The following SUGCT variants were observed in gnomAD, a reference collection of about 807,000 sequenced individuals.
The protein encoded by SUGCT is succinyl-CoA:glutarate CoA-transferase.
In SUGCT, 41 loss-of-function variants were observed where a neutral mutation model predicts 55.0. That is an observed-to-expected ratio of 0.74 (90% confidence interval 0.58 to 0.97). The LOEUF is 0.97. Ranked by LOEUF, SUGCT falls within the 50% of genes least tolerant of loss-of-function variation. The pLI is 0.00. For missense variants in SUGCT, 568 were observed against 547.8 expected (o/e 1.04, Z -0.37); for synonymous variants, 187 against 200.4 (o/e 0.93, Z 0.56).
At chr7:40,951,956 A>G in the SUGCT span, among the ~76,000 whole-genome samples, 1 of 152,118 alleles carries the variant, frequency 6.6e-6, no homozygotes. Context: ...AGTTCTGTAG[A>G]TTTCTTTTAG....
At chr7:41,025,163 T>C in the SUGCT span, among the ~76,000 whole-genome samples, 1 of 152,160 alleles carries the variant, frequency 6.6e-6, no homozygotes, top group Non-Finnish European at 1.5e-5. Context: ...CCTCAAGATT[T>C]TGGTTAATTC....
At chr7:40,205,146 C>G (rs565020363) in intron 6 of SUGCT, among the ~76,000 whole-genome samples, 3 of 150,124 alleles carry the variant, frequency 2.0e-5, no homozygotes, top group Non-Finnish European at 4.4e-5. Context: ...CCTAGCTACT[C>G]GGGGAGGCTG....
At chr7:40,231,344 A>G (rs1432747800) in intron 6 of SUGCT, among the ~76,000 whole-genome samples, 1 of 152,216 alleles carries the variant, frequency 6.6e-6, no homozygotes, top group Non-Finnish European at 1.5e-5. Flanking sequence ...GATATTGCAG[A>G]GAACAGTCAC....
chr7:40,420,382 A>G (rs1787241389), intron 9 of SUGCT, among the ~76,000 whole-genome samples: 1 of 152,100 alleles, frequency 6.6e-6, no homozygotes, highest in Admixed American at 6.5e-5. Flanking sequence ...TCTGTTTCCC[A>G]GGCTAGAGCA....
At chr7:40,557,476 A>T (rs559115390) in intron 12 of SUGCT, among the ~76,000 whole-genome samples, 62 of 152,342 alleles carry the variant, frequency 4.1e-4, no homozygotes, top group African/African-American at 1.4e-3. Context: ...TTTGTACATC[A>T]CAAGACACTA....
At chr7:40,671,119 A>T (rs1801917008) in intron 12 of SUGCT, among the ~76,000 whole-genome samples, 1 of 152,226 alleles carries the variant, frequency 6.6e-6, no homozygotes, top group African/African-American at 2.4e-5. Context: ...TCTTGCTCAG[A>T]TTTTGATAGG....
At chr7:40,335,672 A>G (rs1796647945) in intron 9 of SUGCT, among the ~76,000 whole-genome samples, 1 of 152,188 alleles carries the variant, frequency 6.6e-6, no homozygotes, top group South Asian at 2.1e-4. Flanking sequence ...TTTTCTAGAT[A>G]TACAATCATG....
intron 11 of SUGCT, among the ~76,000 whole-genome samples, chr7:40,487,140 A>G (rs371559181): frequency 2.3e-4 from 32 of 138,358 alleles, no homozygotes; most frequent in African/African-American, 8.1e-4. Context: ...GCTGGAGTGC[A>G]ATGGCACGAT....
At chr7:40,506,771 A>C (rs1792626267) in intron 12 of SUGCT, among the ~76,000 whole-genome samples, 1 of 151,964 alleles carries the variant, frequency 6.6e-6, no homozygotes, top group African/African-American at 2.4e-5. Context: ...AATCTATCTT[A>C]TAAGTTTGCT....
intron 1 of SUGCT, among the ~76,000 whole-genome samples, chr7:40,155,845 G>T (rs1210090116): frequency 6.6e-6 from 1 of 151,400 alleles, no homozygotes; most frequent in Non-Finnish European, 1.5e-5. Context: ...TTTTACTTAG[G>T]ATACCTAAGA....
the SUGCT span, among the ~76,000 whole-genome samples, chr7:40,975,427 T>G: frequency 6.6e-6 from 1 of 152,218 alleles, no homozygotes; most frequent in African/African-American, 2.4e-5. Flanking sequence ...ATTCTAAGTA[T>G]AAGAAGCCAT....
intron 1 of SUGCT, among the ~76,000 whole-genome samples, chr7:40,164,759 T>C (rs1435311680): frequency 6.6e-6 from 1 of 152,216 alleles, no homozygotes; most frequent in Non-Finnish European, 1.5e-5. Context: ...AATCCGTCAA[T>C]ACATACTCAT....
chr7:40,512,155 C>T (rs187696618), intron 12 of SUGCT, among the ~76,000 whole-genome samples: 7 of 152,276 alleles, frequency 4.6e-5, no homozygotes, highest in Admixed American at 3.3e-4. Flanking sequence ...AGACATGTCT[C>T]ATTTAACTTT....
chr7:40,914,278 C>CTTT, the SUGCT span, among the ~76,000 whole-genome samples: 1 of 83,750 alleles, frequency 1.2e-5, no homozygotes, highest in Non-Finnish European at 2.7e-5. Flanking sequence ...TTTTCTTTTT[C>CTTT]TTTTTTTTTT....
chr7:40,779,712 C>T (rs17439595), intron 13 of SUGCT, among the ~76,000 whole-genome samples: 14,482 of 152,252 alleles, frequency 0.095, 736 homozygotes, highest in Middle Eastern at 0.18. Flanking sequence ...TCACAGATAA[C>T]AGACTTCAAG....
intron 9 of SUGCT, among the ~76,000 whole-genome samples, chr7:40,441,060 A>G (rs1365572480): frequency 6.6e-6 from 1 of 151,924 alleles, no homozygotes; most frequent in Non-Finnish European, 1.5e-5. Context: ...CTGCTACTTT[A>G]TTAGAATGTA....
At chr7:40,625,400 C>T (rs1799479944) in intron 12 of SUGCT, among the ~76,000 whole-genome samples, 1 of 152,110 alleles carries the variant, frequency 6.6e-6, no homozygotes, top group African/African-American at 2.4e-5. Flanking sequence ...AATTCTGAAG[C>T]CACTCTGCCA....
chr7:40,551,720 TA>T (rs1296014530), intron 12 of SUGCT, among the ~76,000 whole-genome samples: 3 of 152,176 alleles, frequency 2.0e-5, no homozygotes, highest in African/African-American at 7.2e-5. Context: ...GATGACTGAT[TA>T]CAATGTGGTA....
chr7:40,923,253 G>C, the SUGCT span, among the ~76,000 whole-genome samples: 1 of 152,198 alleles, frequency 6.6e-6, no homozygotes, highest in African/African-American at 2.4e-5. Flanking sequence ...TACTTGGCAA[G>C]TTACCATCAG....
Sources: allele counts gnomAD v4.1 joint callset (sites outside exome capture counted in the v4.1 genomes callset), GRCh38; gene constraint gnomAD v4.1.1; transcripts MANE v1.5; gene names NCBI Gene and HGNC (gene_info 2026-07-23, HGNC 2026-07-21).